PLD1: variants seen among roughly 807,000 people sequenced by gnomAD.
The protein encoded by PLD1 is choline phosphatase 1.
Under a neutral mutation model 137.1 loss-of-function variants are expected in PLD1, and 112 were observed. That is an observed-to-expected ratio of 0.82 (90% CI 0.70 to 0.96). The LOEUF is 0.96. PLD1 is among the 40% of genes least tolerant of loss of function. The pLI, the probability that PLD1 is intolerant of heterozygous loss-of-function variation, is 0.00. For missense variants in PLD1, 1,321 were observed against 1,342.0 expected (o/e 0.98, Z 0.24); for synonymous variants, 431 against 454.7 (o/e 0.95, Z 0.66).
intron 1 of PLD1, among the ~76,000 whole-genome samples, chr3:171,780,492 C>G (rs1722754998): frequency 6.6e-6 from 1 of 152,004 alleles, no homozygotes; most frequent in East Asian, 1.9e-4. Context: ...ACTCAGGACT[C>G]TCCAACATTT....
chr3:171,807,866 A>G (rs1193461987), intron 1 of PLD1, among the ~76,000 whole-genome samples: 2 of 152,266 alleles, frequency 1.3e-5, no homozygotes, highest in Admixed American at 1.3e-4. Context: ...AATGTGGTCC[A>G]TATGCATCAT....
intron 6 of PLD1, among the ~76,000 whole-genome samples, chr3:171,726,289 G>C (rs553071974): frequency 2.6e-5 from 4 of 152,164 alleles, no homozygotes; most frequent in African/African-American, 9.6e-5. Flanking sequence ...AATCTGAAGA[G>C]AGAGATGTGT....
intron 1 of PLD1, chr3:171,809,526 A>G (rs1321723627): frequency 6.6e-6 from 1 of 152,212 alleles, no homozygotes; most frequent in African/African-American, 2.4e-5. Flanking sequence ...GGAACTCCCC[A>G]TTTTGGAGGC....
In PLD1 at chr3:171,711,817, T is replaced by TAAAAAAAAAAA. The variant is rs36106956; in HGVS notation, c.911+2065_911+2075dup. ...TAAACTCTTACAGAGTTATAAATGC[T>TAAAAAAAAAAA]AAAAAAAAAAAAAAAAAAAAAAAAA... On this transcript the variant is annotated intron_variant, in intron 9 of 26. Coordinates refer to ENST00000351298, the MANE Select transcript of PLD1 (RefSeq NM_002662.5). Among the ~76,000 whole-genome samples, 112 of 99,154 alleles carry TAAAAAAAAAAA rather than the reference T, an allele frequency of 1.1e-3. 2 individuals are homozygous for TAAAAAAAAAAA. Among genetic ancestry groups the TAAAAAAAAAAA allele is most frequent in the African/African-American group, 4.4e-3 (111 of 25,310 alleles). 65.0% of individuals were successfully genotyped at this position (99,154 alleles called of 152,430 possible).
intron 21 of PLD1, among the ~76,000 whole-genome samples, chr3:171,656,230 G>T (rs1737190486): frequency 6.6e-6 from 1 of 150,918 alleles, no homozygotes; most frequent in South Asian, 2.1e-4. Context: ...GAGTGCAATG[G>T]CATGATCTCA....
intron 21 of PLD1, among the ~76,000 whole-genome samples, chr3:171,657,640 T>A (rs1177022319): frequency 6.6e-6 from 1 of 152,038 alleles, no homozygotes; most frequent in Non-Finnish European, 1.5e-5. Context: ...ATATAAAAAG[T>A]AACAAAATGA....
At chr3:171,620,742 C>CTCTATATATA (rs1473647659) in intron 23 of PLD1, among the ~76,000 whole-genome samples, 107 of 94,750 alleles carry the variant, frequency 1.1e-3, no homozygotes, top group African/African-American at 1.6e-3. Flanking sequence ...CTCTCTCTCT[C>CTCTATATATA]TATATATATA....
rs1470177402 is a variant in PLD1, at chr3:171,741,456, T to C, written c.-31-3374A>G. Among the ~76,000 whole-genome samples the C allele has an allele frequency of 2.6e-5, 4 of 152,294 alleles. No individual in the cohort carries two copies. In the East Asian group the frequency reaches 7.7e-4, roughly 29 times the overall value. The stretch of plus-strand genomic sequence containing the variant: ...ATGTTTTCTTTCATCTAAAATAATC[T>C]ATAATAGGGGGTGAGCAGCTGCCAC... On this transcript the variant is annotated intron_variant, in intron 1 of 26. Coordinates refer to ENST00000351298, the MANE Select transcript of PLD1 (RefSeq NM_002662.5).
chr3:171,726,176 G>A lies in PLD1; in HGVS notation c.607-100C>T, dbSNP rs540769807. The A allele has an allele frequency of 7.8e-5, 59 of 756,730 alleles. No individual in the cohort carries two copies. The South Asian group carries it at 8.5e-4, about 11-fold the overall frequency. The allele number at this position is 756,730 out of a possible 1,614,324, so 46.9% of individuals were successfully genotyped here. ...TATAGCTGTGTGTATATACTGTTTG[G>A]TGTGCTCCACAGACTACACAGATCA... On this transcript the variant is annotated intron_variant, in intron 6 of 26. Coordinates refer to ENST00000351298, the MANE Select transcript of PLD1 (RefSeq NM_002662.5).
chr3:171,676,288 T>C (rs1470725290), intron 18 of PLD1, among the ~76,000 whole-genome samples: 1 of 152,136 alleles, frequency 6.6e-6, no homozygotes, highest in Non-Finnish European at 1.5e-5. Flanking sequence ...CTCAGAATCC[T>C]GTACCAATAT....
In PLD1 at chr3:171,602,586, T is replaced by C. The variant is rs1264432336; in HGVS notation, c.*492A>G. ...GGACCAGATGAGCAGGGGCATCCCATGTAACCATGAAGAATCTTGAAGCAG... is the reference window on the plus strand; with the variant it reads ...GGACCAGATGAGCAGGGGCATCCCACGTAACCATGAAGAATCTTGAAGCAG... On this transcript the variant is annotated 3_prime_UTR_variant, in exon 27 of 27. Transcript: ENST00000351298. 1 of 169,058 alleles carries C rather than the reference T, an allele frequency of 5.9e-6. No individual in the cohort carries two copies. Among genetic ancestry groups the C allele is most frequent in the Non-Finnish European group, 1.3e-5 (1 of 77,604 alleles). The allele number at this position is 169,058 out of a possible 1,614,324, so 10.5% of individuals were successfully genotyped here. A position where few individuals can be genotyped will look rare whatever the true frequency, so the allele number is the denominator to read the frequency against.
intron 23 of PLD1, among the ~76,000 whole-genome samples, chr3:171,620,736 CTCTCTCTATA>C (rs1372956772): frequency 2.1e-4 from 16 of 76,926 alleles, no homozygotes; most frequent in African/African-American, 9.2e-4. Flanking sequence ...CTCTCTCTCT[CTCTCTCTATA>C]TATATATATA....
At chr3:171,735,461 A>G in intron 4 of PLD1, 31 bp downstream of exon 4, 1 of 1,590,002 alleles carries the variant, frequency 6.3e-7, no homozygotes, top group Non-Finnish European at 8.6e-7. Context: ...TTCAACTTGT[A>G]TACTGGCATA....
At chr3:171,803,289 A>C (rs1323446153) in intron 1 of PLD1, among the ~76,000 whole-genome samples, 1 of 152,202 alleles carries the variant, frequency 6.6e-6, no homozygotes, top group African/African-American at 2.4e-5. Flanking sequence ...CCACATCCCC[A>C]AATTCAGAAT....
At chr3:171,744,939 A>G (rs764704546) in intron 1 of PLD1, among the ~76,000 whole-genome samples, 14 of 152,230 alleles carry the variant, frequency 9.2e-5, no homozygotes, top group Non-Finnish European at 1.9e-4. Flanking sequence ...TCACTATCCA[A>G]TACTGAATTA....
intron 1 of PLD1, among the ~76,000 whole-genome samples, chr3:171,801,287 C>T (rs1723635343): frequency 1.3e-5 from 2 of 152,244 alleles, no homozygotes; most frequent in African/African-American, 4.8e-5. Context: ...AGGATGAAAG[C>T]TTTCACTGCC....
chr3:171,711,817 T>TAAAAAAA lies in PLD1; in HGVS notation c.911+2069_911+2075dup, dbSNP rs36106956. 6.2e-4 allele frequency among the ~76,000 whole-genome samples: 61 copies of TAAAAAAA among 99,142 alleles called. 1 individual carries two copies. Among genetic ancestry groups the TAAAAAAA allele is most frequent in the African/African-American group, 2.1e-3 (54 of 25,308 alleles). The allele number at this position is 99,142 out of a possible 152,430, so 65.0% of individuals were successfully genotyped here. ...TAAACTCTTACAGAGTTATAAATGC[T>TAAAAAAA]AAAAAAAAAAAAAAAAAAAAAAAAA... On this transcript the variant is annotated intron_variant, in intron 9 of 26. Transcript: ENST00000351298.
At chr3:171,620,223 A>G (rs988100552) in intron 24 of PLD1, among the ~76,000 whole-genome samples, 163 bp downstream of exon 24, 2 of 152,228 alleles carry the variant, frequency 1.3e-5, no homozygotes, top group Admixed American at 1.3e-4. Flanking sequence ...CAACTGGGTT[A>G]GAAAGGATGT....
At chr3:171,699,643 A>T in intron 12 of PLD1, 102 bp downstream of exon 12, 1 of 805,296 alleles carries the variant, frequency 1.2e-6, no homozygotes. Flanking sequence ...GTCAAACTCT[A>T]AAGTGAAAAG....
Sources: gnomAD v4.1 joint callset for allele counts (sites outside exome capture counted in the v4.1 genomes callset) on GRCh38, gnomAD v4.1.1 for gene constraint, MANE v1.5 for transcripts, NCBI Gene and HGNC (gene_info 2026-07-23, HGNC 2026-07-21) for gene names.